The following CLDN16 variants were observed in gnomAD, a reference collection of about 807,000 sequenced individuals.
The protein encoded by CLDN16 is claudin 16.
A neutral mutation model predicts 24.6 loss-of-function variants in CLDN16; 13 were observed. That is an observed-to-expected ratio of 0.53 (90% CI 0.34 to 0.84). The LOEUF (loss-of-function observed/expected upper bound fraction) is 0.84. Among genes scored for constraint, CLDN16 ranks in the 40% least tolerant of loss-of-function variants. The probability of loss-of-function intolerance (pLI) is 0.01; values close to 1 mark genes in which losing one functional copy is unlikely to be tolerated. For synonymous variants in CLDN16, 116 were observed against 106.7 expected, an observed-to-expected ratio of 1.09 and a Z score of -0.54; for missense variants, 298 against 292.7, an observed-to-expected ratio of 1.02 and a Z score of -0.13.
chr3:190,321,595 T>C (rs1716923231), upstream of CLDN16, among the ~76,000 whole-genome samples: 1 of 152,210 alleles, frequency 6.6e-6, no homozygotes, highest in Non-Finnish European at 1.5e-5. Flanking sequence ...TTCAAACTTT[T>C]TCAGTCATCC....
chr3:190,338,237 ACAAGAGTCT>A (rs778929832), intron 1 of CLDN16, among the ~76,000 whole-genome samples: 1 of 152,200 alleles, frequency 6.6e-6, no homozygotes, highest in Non-Finnish European at 1.5e-5. Flanking sequence ...ACTCAGGGAC[ACAAGAGTCT>A]CATAGAACTT....
At chr3:190,321,946 G>A (rs374223346), upstream of CLDN16, 15 of 1,543,034 alleles carry the variant, frequency 9.7e-6, no homozygotes, top group Non-Finnish European at 1.3e-5. Context: ...GGGGACTGGG[G>A]CCTCTGGACG....
At position 190,410,922 on chromosome 3, in the gene CLDN16, A is replaced by T. The variant is rs1188654028; in HGVS notation, c.*886A>T. The T allele has an allele frequency of 6.6e-6, 1 of 152,216 alleles. No homozygotes were observed. The highest frequency in any genetic ancestry group is 1.5e-5 in the Non-Finnish European group (1 of 68,040). The allele number at this position is 152,216 out of a possible 1,614,324, so 9.4% of individuals were successfully genotyped here. On this transcript the variant is annotated 3_prime_UTR_variant, in exon 5 of 5. Transcript: ENST00000264734. Reference sequence around the variant, plus strand: ...ATTAGACATATGGCAAAATTCAACAAATATATTTTGATATAAATAAATAAA... The same window carrying T: ...ATTAGACATATGGCAAAATTCAACATATATATTTTGATATAAATAAATAAA...
intron 3 of CLDN16, among the ~76,000 whole-genome samples, chr3:190,382,466 C>A (rs1287409755): frequency 1.3e-5 from 2 of 152,050 alleles, no homozygotes; most frequent in East Asian, 3.9e-4. Context: ...CTCATGCTTG[C>A]CCAAGCATTC....
At chr3:190,363,554 G>GCACATATATATATATATATATA (rs10663299) in intron 1 of CLDN16, among the ~76,000 whole-genome samples, 1 of 81,364 alleles carries the variant, frequency 1.2e-5, no homozygotes, top group African/African-American at 4.7e-5. Context: ...GTGTGTGTGT[G>GCACATATATATATATATATATA]TGTATATATA....
chr3:190,322,597 C>T, exon 1 of CLDN16: 1 of 306,714 alleles, frequency 3.3e-6, no homozygotes, highest in South Asian at 3.2e-5. Context: ...GTGGGGACCA[C>T]CCGGCAGGAC....
Position 190,359,682 on chromosome 3 carries a change from C to T in CLDN16, n.122-11211C>T, listed in dbSNP as rs146198756. Among the ~76,000 whole-genome samples the T allele has an allele frequency of 2.2e-3, 328 of 152,122 alleles. 1 individual carries two copies. Among genetic ancestry groups the T allele is most frequent in the African/African-American group, 7.6e-3 (316 of 41,532 alleles). The stretch of plus-strand genomic sequence containing the variant: ...AGGTAATATTTACAACTAATGTGAT[C>T]TGTGCTTGTTCAAAGTAGCATGGGA... On this transcript the variant is annotated intron_variant and non_coding_transcript_variant, in intron 1 of 4. Transcript: ENST00000468220.
Position 190,388,436 on chromosome 3 carries a change from C to T in CLDN16, c.107C>T (p.Ser36Phe). 1 of 1,613,946 alleles carries T rather than the reference C, an allele frequency of 6.2e-7. No homozygotes were observed. Reference protein sequence around the residue: ...TDCWMVNADDSLEVSTKCRGL... With the variant: ...TDCWMVNADDFLEVSTKCRGL... Reference sequence around the variant, plus strand: ...TGTTGGATGGTGAATGCTGATGACTCTCTGGAGGTAAGAAGATAGCAGCTT... The same window carrying T: ...TGTTGGATGGTGAATGCTGATGACTTTCTGGAGGTAAGAAGATAGCAGCTT... The change falls in exon 1 of 5, where the codon TCT becomes TTT. Residue 36 changes from serine to phenylalanine, a missense_variant. Transcript: ENST00000264734.
intron 1 of CLDN16, among the ~76,000 whole-genome samples, chr3:190,333,044 C>T (rs948126219): frequency 6.6e-6 from 1 of 152,060 alleles, no homozygotes; most frequent in African/African-American, 2.4e-5. Flanking sequence ...ATATTACTGC[C>T]ATTAGAAGAG....
At chr3:190,388,501 C>T in intron 1 of CLDN16, 58 bp downstream of exon 1, 1 of 1,399,752 alleles carries the variant, frequency 7.1e-7, no homozygotes, top group Non-Finnish European at 1.0e-6. Flanking sequence ...TCGCTAAGTC[C>T]CAACTGCCAT....
chr3:190,319,726 G>A (rs949422651), upstream of CLDN16, among the ~76,000 whole-genome samples: 5 of 152,142 alleles, frequency 3.3e-5, no homozygotes, highest in African/African-American at 1.2e-4. Context: ...TTTTCTGAGT[G>A]ATACTGCTTA....
At chr3:190,325,815 G>A (rs1327520304) in intron 1 of CLDN16, among the ~76,000 whole-genome samples, 1 of 152,156 alleles carries the variant, frequency 6.6e-6, no homozygotes, top group East Asian at 1.9e-4. Context: ...AGTGGTAAAA[G>A]CAGAACGAAT....
intron 1 of CLDN16, among the ~76,000 whole-genome samples, chr3:190,329,253 C>A (rs1717133065): frequency 6.6e-6 from 1 of 151,890 alleles, no homozygotes; most frequent in Admixed American, 6.6e-5. Flanking sequence ...ATGAGTGCAC[C>A]CACCAGAGAT....
upstream of CLDN16, among the ~76,000 whole-genome samples, chr3:190,387,208 G>A (rs114165333): frequency 6.6e-6 from 1 of 152,190 alleles, no homozygotes; most frequent in East Asian, 1.9e-4. Context: ...GTTGATATAT[G>A]TGCTTTTTAA....
At chr3:190,296,494 C>A in the CLDN16 span, among the ~76,000 whole-genome samples, 9,498 of 151,220 alleles carry the variant, frequency 0.063, 369 homozygotes, top group Middle Eastern at 0.11. Flanking sequence ...TCAAGATGGT[C>A]TAGGAGGAGA....
chr3:190,322,834 G>A (rs1716969481), intron 1 of CLDN16, among the ~76,000 whole-genome samples: 1 of 151,952 alleles, frequency 6.6e-6, no homozygotes, highest in Admixed American at 6.6e-5. Flanking sequence ...CCAACTCCGC[G>A]TCTCCTCCCC....
the CLDN16 span, chr3:190,308,148 G>T: frequency 1.2e-5 from 13 of 1,114,350 alleles, no homozygotes; most frequent in Admixed American, 1.1e-4. Context: ...TTTTTTGTTT[G>T]TTTGTTTGTT....
chr3:190,325,233 G>T (rs2108619310), intron 1 of CLDN16, among the ~76,000 whole-genome samples: 1 of 152,276 alleles, frequency 6.6e-6, no homozygotes, highest in Middle Eastern at 3.4e-3. Context: ...GGCAGCGCTG[G>T]AATTCCAAAC....
At chr3:190,310,492 C>A in the CLDN16 span, among the ~76,000 whole-genome samples, 1 of 152,056 alleles carries the variant, frequency 6.6e-6, no homozygotes, top group Non-Finnish European at 1.5e-5. Flanking sequence ...GATATCTTGG[C>A]ACAAATAATT....
Sources: gnomAD v4.1 joint callset for allele counts (sites outside exome capture counted in the v4.1 genomes callset) on GRCh38, gnomAD v4.1.1 for gene constraint, MANE v1.5 for transcripts, NCBI Gene and HGNC (gene_info 2026-07-23, HGNC 2026-07-21) for gene names.